The following TAFA2 variants were observed in gnomAD, a reference collection of about 807,000 sequenced individuals.
TAFA2 encodes the protein TAFA chemokine like family member 2.
A neutral mutation model predicts 18.8 loss-of-function variants in TAFA2; 7 were observed. The ratio of observed to expected loss-of-function variants is 0.37; its 90% CI spans 0.21 to 0.70. TAFA2 has a LOEUF of 0.70. Among genes scored for constraint, TAFA2 ranks in the 30% least tolerant of loss-of-function variants. TAFA2 has a pLI of 0.53. For synonymous variants in TAFA2, 60 were observed against 54.2 expected (o/e 1.11, Z -0.47); for missense variants, 122 against 158.1 (o/e 0.77, Z 1.23).
chr12:61,859,374 A>G (rs988871224), intron 2 of TAFA2, among the ~76,000 whole-genome samples: 9 of 152,194 alleles, frequency 5.9e-5, no homozygotes, highest in Non-Finnish European at 1.0e-4. Context: ...TCCCCACCCA[A>G]TTCAAGGTAA....
intron 1 of TAFA2, among the ~76,000 whole-genome samples, chr12:62,029,766 C>T (rs1592559794): frequency 2.0e-5 from 3 of 152,052 alleles, no homozygotes; most frequent in East Asian, 1.9e-4. Flanking sequence ...GACTCCAGCC[C>T]TCATGATCAT....
intron 1 of TAFA2, among the ~76,000 whole-genome samples, chr12:62,118,283 A>C (rs1870046524): frequency 6.6e-6 from 1 of 152,108 alleles, no homozygotes. Context: ...TATTGCTAAA[A>C]TTTATTCATA....
intron 4 of TAFA2, among the ~76,000 whole-genome samples, chr12:61,717,548 T>C (rs1869716009): frequency 6.6e-6 from 1 of 152,208 alleles, no homozygotes; most frequent in Non-Finnish European, 1.5e-5. Flanking sequence ...GTTTAATACT[T>C]CAGCTAGGAT....
chr12:61,760,871 CA>C (rs375369002), intron 2 of TAFA2, among the ~76,000 whole-genome samples: 6,798 of 120,722 alleles, frequency 0.056, 158 homozygotes, highest in Non-Finnish European at 0.084. Context: ...CCCAAGTCAC[CA>C]AAAAAAAAAA....
intron 1 of TAFA2, among the ~76,000 whole-genome samples, chr12:61,945,119 G>C (rs1329241348): frequency 1.2e-4 from 14 of 120,660 alleles, no homozygotes; most frequent in Non-Finnish European, 2.1e-4. Flanking sequence ...GATCAAGTGG[G>C]CTTCATCCCT....
intron 1 of TAFA2, among the ~76,000 whole-genome samples, chr12:62,069,053 A>G (rs369649639): frequency 2.3e-4 from 35 of 152,266 alleles, no homozygotes; most frequent in African/African-American, 7.9e-4. Context: ...TGAAAACCTC[A>G]ATCACAAAAG....
chr12:61,768,711 T>C (rs1320486811), intron 2 of TAFA2, among the ~76,000 whole-genome samples: 4 of 152,074 alleles, frequency 2.6e-5, no homozygotes, highest in Non-Finnish European at 2.9e-5. Context: ...CCTGATTTTG[T>C]CTCACAGGGG....
intron 1 of TAFA2, among the ~76,000 whole-genome samples, chr12:61,914,799 G>T (rs12305044): frequency 1.3e-5 from 2 of 152,028 alleles, no homozygotes; most frequent in Non-Finnish European, 2.9e-5. Flanking sequence ...TCTCTAAATA[G>T]CTTCCTTTCT....
chr12:62,190,268 A>G (rs552467081), intron 1 of TAFA2, among the ~76,000 whole-genome samples: 1 of 152,316 alleles, frequency 6.6e-6, no homozygotes, highest in South Asian at 2.1e-4. Context: ...CTTTTCAGAC[A>G]GGATAACTCA....
At chr12:62,035,949 C>T (rs1368409181) in intron 1 of TAFA2, among the ~76,000 whole-genome samples, 1 of 151,442 alleles carries the variant, frequency 6.6e-6, no homozygotes, top group Non-Finnish European at 1.5e-5. Flanking sequence ...ACCGTGTTAG[C>T]CAGGATGGTC....
At chr12:61,840,050 A>T (rs1873108583) in intron 2 of TAFA2, among the ~76,000 whole-genome samples, 1 of 152,032 alleles carries the variant, frequency 6.6e-6, no homozygotes, top group South Asian at 2.1e-4. Flanking sequence ...GCTTCTCAGG[A>T]TGTCTGGAGC....
chr12:62,108,844 T>C (rs949062354), intron 1 of TAFA2, among the ~76,000 whole-genome samples: 6 of 152,000 alleles, frequency 3.9e-5, no homozygotes, highest in Admixed American at 6.6e-5. Context: ...GTTTTTTTCT[T>C]CTAAATTTAA....
At chr12:61,932,648 G>T (rs1184115627) in intron 1 of TAFA2, among the ~76,000 whole-genome samples, 1 of 152,024 alleles carries the variant, frequency 6.6e-6, no homozygotes, top group Non-Finnish European at 1.5e-5. Context: ...TCACCATGTT[G>T]CCAGGCTGGT....
At chr12:62,175,539 G>T (rs865824854) in intron 1 of TAFA2, among the ~76,000 whole-genome samples, 2 of 151,868 alleles carry the variant, frequency 1.3e-5, no homozygotes, top group South Asian at 4.1e-4. Context: ...TGAAGCTATT[G>T]TATAGCTATA....
At chr12:62,204,824 T>C (rs1267276042) in intron 1 of TAFA2, among the ~76,000 whole-genome samples, 1 of 152,222 alleles carries the variant, frequency 6.6e-6, no homozygotes. Flanking sequence ...AGCCTACTTC[T>C]GTCAATTCAT....
At chr12:62,178,520 A>G (rs2062530297) in intron 1 of TAFA2, among the ~76,000 whole-genome samples, 1 of 152,226 alleles carries the variant, frequency 6.6e-6, no homozygotes, top group South Asian at 2.1e-4. Context: ...TTAGTCTACC[A>G]TATTTCACAG....
chr12:62,115,145 G>T (rs1359040303), intron 1 of TAFA2, among the ~76,000 whole-genome samples: 3 of 149,474 alleles, frequency 2.0e-5, no homozygotes, highest in African/African-American at 7.3e-5. Flanking sequence ...TCTAAGCCTA[G>T]AATTTTAATT....
intron 1 of TAFA2, among the ~76,000 whole-genome samples, chr12:62,051,994 T>C (rs1882067021): frequency 6.6e-6 from 1 of 152,132 alleles, no homozygotes; most frequent in Admixed American, 6.5e-5. Context: ...AATAAACATG[T>C]TATATTTCCA....
chr12:61,889,856 C>T (rs965457238), intron 1 of TAFA2, among the ~76,000 whole-genome samples: 2 of 152,186 alleles, frequency 1.3e-5, no homozygotes, highest in African/African-American at 4.8e-5. Flanking sequence ...ATTGGACTGC[C>T]TACACATAGA....
Sources: gnomAD v4.1 joint callset for allele counts (sites outside exome capture counted in the v4.1 genomes callset) on GRCh38, gnomAD v4.1.1 for gene constraint, MANE v1.5 for transcripts, NCBI Gene and HGNC (gene_info 2026-07-23, HGNC 2026-07-21) for gene names.